KCTD16: variants seen among roughly 807,000 people sequenced by gnomAD.
KCTD16 encodes the protein potassium channel tetramerization domain containing 16.
A neutral mutation model predicts 33.2 loss-of-function variants in KCTD16; 13 were observed. That is an observed-to-expected ratio of 0.39 (90% confidence interval 0.25 to 0.62). The LOEUF (loss-of-function observed/expected upper bound fraction) is 0.62, where lower values mean the gene tolerates loss of function less well. Among genes scored for constraint, KCTD16 ranks in the 20% least tolerant of loss-of-function variants. The pLI is 0.50. For synonymous variants in KCTD16, 197 were observed against 195.3 expected (o/e 1.01, Z -0.07); for missense variants, 441 against 525.1 (o/e 0.84, Z 1.57).
At chr5:144,184,674 T>C (rs911723510) in intron 2 of KCTD16, among the ~76,000 whole-genome samples, 1 of 152,192 alleles carries the variant, frequency 6.6e-6, no homozygotes, top group Non-Finnish European at 1.5e-5. Context: ...CCAACACTTG[T>C]TATTATTTTC....
chr5:144,439,515 A>G, intron 3 of KCTD16: 1 of 204,760 alleles, frequency 4.9e-6, no homozygotes, highest in Non-Finnish European at 1.0e-5. Flanking sequence ...AGCTTTACAC[A>G]GCTGTCCTTG....
intron 3 of KCTD16, among the ~76,000 whole-genome samples, chr5:144,344,611 C>T (rs1373196049): frequency 1.3e-5 from 2 of 151,096 alleles, no homozygotes; most frequent in African/African-American, 2.4e-5. Context: ...AAAATGCTCA[C>T]CATCACTGGC....
At chr5:144,436,020 TA>T (rs1753568935) in intron 3 of KCTD16, among the ~76,000 whole-genome samples, 1 of 152,186 alleles carries the variant, frequency 6.6e-6, no homozygotes, top group Non-Finnish European at 1.5e-5. Context: ...ACCAAAGGGG[TA>T]AAGAACAGTT....
rs144137581 is a variant in KCTD16 at position 144,284,967 on chromosome 5, G to A, written c.832+77421G>A. Among the ~76,000 whole-genome samples the A allele has an allele frequency of 3.4e-3, 523 of 152,192 alleles. 1 individual carries two copies. The highest frequency in any genetic ancestry group is 5.8e-3 in the Admixed American group (88 of 15,286). The stretch of plus-strand genomic sequence containing the variant: ...AAATATGCCATCATAGAAGCACCTC[G>A]GGTAAACCACCACCATTTCATGCCA... On this transcript the variant is annotated intron_variant, in intron 3 of 3. Transcript: ENST00000512467.
At chr5:144,330,502 CATTT>C (rs961996821) in intron 3 of KCTD16, among the ~76,000 whole-genome samples, 2 of 149,854 alleles carry the variant, frequency 1.3e-5, no homozygotes, top group African/African-American at 4.9e-5. Context: ...CCCATTCATT[CATTT>C]ATTTGTTTAA....
rs188911362 is a variant in KCTD16, at chr5:144,444,196, C to T, written c.833-29464C>T. On this transcript the variant is annotated intron_variant, in intron 3 of 3. Transcript: ENST00000512467. ...TCAAAATACACAAACAAACCCCACC[C>T]CAACCCCTCCCCCCTCCACACACAA... Among the ~76,000 whole-genome samples, 493 of 150,134 alleles carry T rather than the reference C, an allele frequency of 3.3e-3. 4 individuals are homozygous for T. The highest frequency in any genetic ancestry group is 0.012 in the African/African-American group (479 of 39,784).
chr5:144,316,508 CTTTTT>C (rs398050808), intron 3 of KCTD16, among the ~76,000 whole-genome samples: 3 of 119,936 alleles, frequency 2.5e-5, no homozygotes, highest in African/African-American at 3.2e-5. Flanking sequence ...TGTTTTTTGT[CTTTTT>C]TTTTTTTTTT....
chr5:144,339,965 C>T (rs1752586168), intron 3 of KCTD16, among the ~76,000 whole-genome samples: 1 of 152,036 alleles, frequency 6.6e-6, no homozygotes, highest in African/African-American at 2.4e-5. Flanking sequence ...TTTAAAACTC[C>T]AAACAGAATC....
intron 3 of KCTD16, among the ~76,000 whole-genome samples, chr5:144,430,335 A>C (rs1033949074): frequency 7.2e-5 from 11 of 152,182 alleles, no homozygotes; most frequent in African/African-American, 2.7e-4. Context: ...ACAGGAGGAT[A>C]GAATGATAAG....
Position 144,484,899 on chromosome 5 carries a change from G to A in KCTD16, c.*10785G>A, listed in dbSNP as rs567323821. On this transcript the variant is annotated 3_prime_UTR_variant, in exon 4 of 4. Coordinates refer to ENST00000512467, the MANE Select transcript of KCTD16 (RefSeq NM_020768.4). Reference sequence around the variant, plus strand: ...ATTTTTGTGCGTAATTGTGATAGCAGATTTAGCTCAAACTTTAAAGGAATT... The same window carrying A: ...ATTTTTGTGCGTAATTGTGATAGCAAATTTAGCTCAAACTTTAAAGGAATT... 2.6e-5 allele frequency: 4 copies of A among 152,016 alleles called. No individual in the cohort carries two copies. Among genetic ancestry groups the A allele is most frequent in the African/African-American group, 9.6e-5 (4 of 41,506 alleles). The allele number at this position is 152,016 out of a possible 1,614,324, so 9.4% of individuals were successfully genotyped here.
chr5:144,351,396 C>A (rs1192170596), intron 3 of KCTD16, among the ~76,000 whole-genome samples: 1 of 152,054 alleles, frequency 6.6e-6, no homozygotes, highest in Non-Finnish European at 1.5e-5. Flanking sequence ...ATCAAAAAGA[C>A]AAGATAAGTG....
At chr5:144,241,061 A>C (rs764691768) in intron 3 of KCTD16, among the ~76,000 whole-genome samples, 1 of 152,056 alleles carries the variant, frequency 6.6e-6, no homozygotes, top group Non-Finnish European at 1.5e-5. Flanking sequence ...AGCTACTACA[A>C]TGTAGAACAG....
intron 3 of KCTD16, among the ~76,000 whole-genome samples, chr5:144,353,049 A>T (rs531842772): frequency 3.3e-5 from 5 of 152,322 alleles, no homozygotes; most frequent in African/African-American, 1.2e-4. Context: ...AACAGACCTG[A>T]CAAAATCTTA....
intron 3 of KCTD16, among the ~76,000 whole-genome samples, chr5:144,220,562 ATGTG>A (rs70995040): frequency 1.9e-4 from 28 of 150,318 alleles, no homozygotes; most frequent in East Asian, 5.9e-4. Flanking sequence ...ATGTATATTT[ATGTG>A]TGTGTGTGTG....
At chr5:144,405,719 T>A (rs1338339164) in intron 3 of KCTD16, among the ~76,000 whole-genome samples, 2 of 152,216 alleles carry the variant, frequency 1.3e-5, no homozygotes. Context: ...TCCCTGATGA[T>A]GCTGGTTTGG....
intron 3 of KCTD16, among the ~76,000 whole-genome samples, chr5:144,237,866 C>T (rs772032675): frequency 6.6e-6 from 1 of 152,122 alleles, no homozygotes; most frequent in Non-Finnish European, 1.5e-5. Context: ...ACTGGAGAAG[C>T]TGAGTGATTT....
In KCTD16 at chr5:144,427,628, G is replaced by T. The variant is rs551794566; in HGVS notation, c.833-46032G>T. ...TGTCTGCATCTTCAAGTCACCTATG[G>T]CATTTTAAGTAACACAGATTCCTGC... On this transcript the variant is annotated intron_variant, in intron 3 of 3. Coordinates refer to ENST00000512467, the MANE Select transcript of KCTD16 (RefSeq NM_020768.4). Among the ~76,000 whole-genome samples the T allele has an allele frequency of 2.6e-5, 4 of 152,142 alleles. No homozygotes were observed. The East Asian group carries it at 7.7e-4, about 29-fold the overall frequency.
chr5:144,241,163 T>C (rs1463323724), intron 3 of KCTD16, among the ~76,000 whole-genome samples: 1 of 152,142 alleles, frequency 6.6e-6, no homozygotes, highest in African/African-American at 2.4e-5. Flanking sequence ...TTAGTCTGAA[T>C]CTGATTTTCT....
chr5:144,271,760 TACACAC>T (rs3077273), intron 3 of KCTD16, among the ~76,000 whole-genome samples: 32,025 of 146,096 alleles, frequency 0.22, 3,740 homozygotes, highest in Non-Finnish European at 0.28. Context: ...GACTAAAAAC[TACACAC>T]ACACACACAC....
Sources: allele counts gnomAD v4.1 joint callset (sites outside exome capture counted in the v4.1 genomes callset), GRCh38; gene constraint gnomAD v4.1.1; transcripts MANE v1.5; gene names NCBI Gene and HGNC (gene_info 2026-07-23, HGNC 2026-07-21).